The following GPC5 variants were observed in gnomAD, a reference collection of about 807,000 sequenced individuals.
GPC5 encodes the protein glypican 5.
In GPC5, 47 loss-of-function variants were observed where a neutral mutation model predicts 53.9. The ratio of observed to expected loss-of-function variants is 0.87; its 90% CI spans 0.69 to 1.11. The LOEUF is 1.11. Among genes scored for constraint, GPC5 ranks in the 50% most tolerant of loss-of-function variants. The probability of loss-of-function intolerance (pLI) is 0.00; values close to 1 mark genes in which losing one functional copy is unlikely to be tolerated. For missense variants in GPC5, 748 were observed against 713.1 expected, an observed-to-expected ratio of 1.05 and a Z score of -0.56; for synonymous variants, 286 against 263.3, an observed-to-expected ratio of 1.09 and a Z score of -0.84.
chr13:92,356,982 C>T (rs1244224857), intron 7 of GPC5, among the ~76,000 whole-genome samples: 1 of 151,940 alleles, frequency 6.6e-6, no homozygotes, highest in Non-Finnish European at 1.5e-5. Flanking sequence ...GTTTTCTACT[C>T]CTGCATTAGT....
chr13:92,540,444 T>C (rs902493029), intron 7 of GPC5, among the ~76,000 whole-genome samples: 5 of 151,910 alleles, frequency 3.3e-5, no homozygotes, highest in African/African-American at 1.2e-4. Context: ...ATATTAGCGT[T>C]TGGTGATAGG....
chr13:91,756,287 T>C lies in GPC5; in HGVS notation c.1155-8T>C. 1 of 1,476,574 alleles carries C rather than the reference T, an allele frequency of 6.8e-7. No homozygotes were observed. The highest frequency in any genetic ancestry group is 9.1e-7 in the Non-Finnish European group (1 of 1,098,426). The allele number at this position is 1,476,574 out of a possible 1,614,324, so 91.5% of individuals were successfully genotyped here. On this transcript the variant is annotated splice_polypyrimidine_tract_variant and splice_region_variant and intron_variant, in intron 4 of 7. Transcript: ENST00000377067. ...GGTTTTAATTGTTTTCTTTCTTCTT[T>C]CATTTAGAGAATTTATCAACAGCCT...
chr13:92,545,719 T>G (rs1473613516), intron 7 of GPC5, among the ~76,000 whole-genome samples: 1 of 152,214 alleles, frequency 6.6e-6, no homozygotes, highest in Non-Finnish European at 1.5e-5. Context: ...AAATGTCTTC[T>G]TTTGAGAAGT....
chr13:91,981,375 C>T (rs1359658890), intron 6 of GPC5, among the ~76,000 whole-genome samples: 5 of 151,738 alleles, frequency 3.3e-5, no homozygotes, highest in African/African-American at 1.2e-4. Flanking sequence ...CTGCAAGCTC[C>T]GCCTCCCGGG....
At chr13:92,085,076 C>T (rs2041325765) in intron 6 of GPC5, among the ~76,000 whole-genome samples, 1 of 152,158 alleles carries the variant, frequency 6.6e-6, no homozygotes, top group South Asian at 2.1e-4. Context: ...TAATCCCATT[C>T]ATGAGAGCTC....
intron 7 of GPC5, among the ~76,000 whole-genome samples, chr13:92,429,003 G>A (rs978720511): frequency 6.6e-6 from 1 of 151,794 alleles, no homozygotes; most frequent in African/African-American, 2.4e-5. Context: ...GCTAGCTTTG[G>A]GGGGACAAAA....
intron 7 of GPC5, among the ~76,000 whole-genome samples, chr13:92,321,367 G>T (rs1363701383): frequency 6.6e-6 from 1 of 152,348 alleles, no homozygotes; most frequent in East Asian, 1.9e-4. Context: ...GCCAAGGCGG[G>T]TGGATCACGA....
intron 5 of GPC5, among the ~76,000 whole-genome samples, chr13:91,876,956 C>G (rs1014428138): frequency 1.3e-5 from 2 of 152,184 alleles, no homozygotes; most frequent in African/African-American, 4.8e-5. Context: ...CCACTCCAGC[C>G]ATGGTTGAAA....
intron 7 of GPC5, among the ~76,000 whole-genome samples, chr13:92,670,883 A>G (rs535540578): frequency 1.3e-5 from 2 of 152,280 alleles, no homozygotes; most frequent in East Asian, 1.9e-4. Context: ...TGGAGCAGTA[A>G]CATGACTACT....
chr13:91,649,566 A>G (rs1385124534), intron 2 of GPC5, among the ~76,000 whole-genome samples: 1 of 152,198 alleles, frequency 6.6e-6, no homozygotes, highest in African/African-American at 2.4e-5. Flanking sequence ...TTCATTCTGG[A>G]TTATGCTGAA....
intron 7 of GPC5, among the ~76,000 whole-genome samples, chr13:92,522,399 A>C (rs1220941706): frequency 6.6e-6 from 1 of 152,236 alleles, no homozygotes; most frequent in Non-Finnish European, 1.5e-5. Flanking sequence ...CTGGATTAAG[A>C]AAATGTGGCG....
chr13:92,835,292 C>A (rs763518138), intron 7 of GPC5, among the ~76,000 whole-genome samples: 1 of 151,852 alleles, frequency 6.6e-6, no homozygotes, highest in Non-Finnish European at 1.5e-5. Context: ...TTTGCTGTTT[C>A]TTTCTGACTT....
At chr13:91,973,219 G>A (rs370277490) in intron 6 of GPC5, among the ~76,000 whole-genome samples, 81 of 151,644 alleles carry the variant, frequency 5.3e-4, no homozygotes, top group Admixed American at 3.1e-3. Context: ...CATTCATTTC[G>A]TCTTCCATCA....
chr13:91,484,076 G>A (rs1883455050), intron 2 of GPC5, among the ~76,000 whole-genome samples: 1 of 152,080 alleles, frequency 6.6e-6, no homozygotes, highest in South Asian at 2.1e-4. Context: ...TTATTTTGTA[G>A]AACGTACTTT....
At chr13:92,839,873 C>T (rs1225385745) in intron 7 of GPC5, among the ~76,000 whole-genome samples, 1 of 151,810 alleles carries the variant, frequency 6.6e-6, no homozygotes, top group Non-Finnish European at 1.5e-5. Context: ...TTTTCCTCTA[C>T]ATATTTATTT....
At chr13:92,069,506 C>G (rs1431046594) in intron 6 of GPC5, among the ~76,000 whole-genome samples, 2 of 150,830 alleles carry the variant, frequency 1.3e-5, no homozygotes, top group African/African-American at 4.9e-5. Flanking sequence ...TATACAAATG[C>G]TTTATACCTC....
Position 92,004,489 on chromosome 13 carries a change from T to TATATATATATATATATATATATAA in GPC5, c.1401+96433_1401+96434insTATATATATATATATATATATAAA, listed in dbSNP as rs1440395882. 2.4e-4 allele frequency among the ~76,000 whole-genome samples: 29 copies of TATATATATATATATATATATATAA among 122,708 alleles called. 1 individual carries two copies. Among genetic ancestry groups the TATATATATATATATATATATATAA allele is most frequent in the African/African-American group, 9.4e-4 (27 of 28,808 alleles). The allele number at this position is 122,708 out of a possible 152,430, so 80.5% of individuals were successfully genotyped here. A position where few individuals can be genotyped will look rare whatever the true frequency, so the allele number is the denominator to read the frequency against. ...ATATATATATATATATATATATATA[T>TATATATATATATATATATATATAA]AATTACACTATAGCTTTTCATGCAA... is the stretch of plus-strand genomic sequence containing the variant. On this transcript the variant is annotated intron_variant, in intron 6 of 7. Transcript: ENST00000377067.
chr13:92,505,086 G>A lies in GPC5; in HGVS notation c.1561+360097G>A, dbSNP rs559117208. On this transcript the variant is annotated intron_variant, in intron 7 of 7. Coordinates refer to ENST00000377067, the MANE Select transcript of GPC5 (RefSeq NM_004466.6). ...AGTCTAAAAGTCTCCTAAAGTTACA[G>A]TTCACATTAACAGTAACTTTGAGAA... is the stretch of plus-strand genomic sequence containing the variant. 5.3e-5 allele frequency among the ~76,000 whole-genome samples: 8 copies of A among 151,778 alleles called. No homozygotes were observed. The East Asian group carries it at 5.8e-4, about 11-fold the overall frequency.
At chr13:92,157,275 C>T (rs1487923362) in intron 7 of GPC5, among the ~76,000 whole-genome samples, 1 of 152,108 alleles carries the variant, frequency 6.6e-6, no homozygotes, top group African/African-American at 2.4e-5. Flanking sequence ...AAGATGATTA[C>T]AGTAGGGGAA....
Sources: allele counts gnomAD v4.1 joint callset (sites outside exome capture counted in the v4.1 genomes callset), GRCh38; gene constraint gnomAD v4.1.1; transcripts MANE v1.5; gene names NCBI Gene and HGNC (gene_info 2026-07-23, HGNC 2026-07-21).